L2HGDH: variants seen among roughly 807,000 people sequenced by gnomAD.
L2HGDH encodes L-2-hydroxyglutarate dehydrogenase, mitochondrial.
In L2HGDH, 34 loss-of-function variants were observed where a neutral mutation model predicts 51.5. That is an observed-to-expected ratio of 0.66 (90% confidence interval 0.50 to 0.88). The LOEUF (loss-of-function observed/expected upper bound fraction) is 0.88. Among genes scored for constraint, L2HGDH ranks in the 40% least tolerant of loss-of-function variants. The pLI, the probability that L2HGDH is intolerant of heterozygous loss-of-function variation, is 0.00. For synonymous variants in L2HGDH, 198 were observed against 197.9 expected, an observed-to-expected ratio of 1.00 and a Z score of -0.01; for missense variants, 558 against 571.9, an observed-to-expected ratio of 0.98 and a Z score of 0.25.
chr14:50,288,370 C>T (rs78712705), intron 4 of L2HGDH, among the ~76,000 whole-genome samples: 1,802 of 152,250 alleles, frequency 0.012, 34 homozygotes, highest in African/African-American at 0.04. Flanking sequence ...AGATGGAAAC[C>T]AAATTGTTTA....
At chr14:50,256,996 T>C (rs2139946702) in intron 9 of L2HGDH, among the ~76,000 whole-genome samples, 1 of 152,232 alleles carries the variant, frequency 6.6e-6, no homozygotes, top group South Asian at 2.1e-4. Flanking sequence ...GGTACAATGG[T>C]GTCATCTCAG....
chr14:50,295,343 C>G (rs1201958492), intron 3 of L2HGDH, among the ~76,000 whole-genome samples: 1 of 151,992 alleles, frequency 6.6e-6, no homozygotes, highest in Non-Finnish European at 1.5e-5. Flanking sequence ...CCACTGCACT[C>G]CAGCCTAGGC....
chr14:50,270,492 T>TTTGTTGTTG (rs145385696), intron 6 of L2HGDH, among the ~76,000 whole-genome samples: 24 of 150,744 alleles, frequency 1.6e-4, no homozygotes, highest in Middle Eastern at 3.4e-3. Flanking sequence ...GCCTTACTGT[T>TTTGTTGTTG]TTGTTGTTGT....
At chr14:50,290,651 A>G (rs1407310682) in intron 4 of L2HGDH, among the ~76,000 whole-genome samples, 1 of 152,058 alleles carries the variant, frequency 6.6e-6, no homozygotes, top group East Asian at 1.9e-4. Context: ...CTTTACGGAC[A>G]CTGAAATTTG....
intron 5 of L2HGDH, among the ~76,000 whole-genome samples, chr14:50,280,122 G>A (rs907516246): frequency 1.5e-4 from 23 of 149,354 alleles, no homozygotes; most frequent in African/African-American, 4.9e-4. Context: ...TTACTCCTTC[G>A]TGACCCTGAC....
At chr14:50,281,907 C>T (rs1027805941) in intron 5 of L2HGDH, among the ~76,000 whole-genome samples, 3 of 152,132 alleles carry the variant, frequency 2.0e-5, no homozygotes, top group Non-Finnish European at 4.4e-5. Flanking sequence ...GTGGCATGAT[C>T]TCAGCTCACC....
At chr14:50,279,015 T>C (rs1890117235) in intron 5 of L2HGDH, among the ~76,000 whole-genome samples, 1 of 152,218 alleles carries the variant, frequency 6.6e-6, no homozygotes, top group Admixed American at 6.5e-5. Flanking sequence ...TAATAAAAAA[T>C]TGACCATTTT....
chr14:50,275,825 T>C (rs1016670903), intron 6 of L2HGDH, among the ~76,000 whole-genome samples: 1 of 152,210 alleles, frequency 6.6e-6, no homozygotes, highest in African/African-American at 2.4e-5. Context: ...TCCTTACTAT[T>C]ACCTCAATCA....
Position 50,312,073 on chromosome 14 carries a change from C to G in L2HGDH, c.78G>C (p.Ala26=). Residue 26 remains alanine, a synonymous_variant, in exon 1 of 10, where the codon GCG becomes GCC. Coordinates refer to ENST00000267436, the MANE Select transcript of L2HGDH (RefSeq NM_024884.3). ...TTGGCCTCCCAGACGCGAACCCGCACGCCCCAGGGGAGCCACCGGCGAAAA... is the reference window on the plus strand; with the variant it reads ...TTGGCCTCCCAGACGCGAACCCGCAGGCCCCAGGGGAGCCACCGGCGAAAA... ...RGLFAGGSPG[A]CGFASGRPRP... is the part of the protein sequence containing the mutation. The G allele has an allele frequency of 6.2e-7, 1 of 1,601,668 alleles. No homozygotes were observed. Among genetic ancestry groups the G allele is most frequent in the Non-Finnish European group, 8.5e-7 (1 of 1,175,464 alleles).
At chr14:50,266,041 G>A (rs1889312465) in intron 8 of L2HGDH, among the ~76,000 whole-genome samples, 1 of 151,966 alleles carries the variant, frequency 6.6e-6, no homozygotes, top group East Asian at 1.9e-4. Flanking sequence ...AGCTACTAGG[G>A]AGGCTGAAGT....
At position 50,294,169 on chromosome 14, in the gene L2HGDH, C is replaced by A; in HGVS notation, c.486G>T (p.Pro162=). ...LYEKGLQNGV[P]GLRLIQQEDI... is the part of the protein sequence containing the mutation. ...CCTCCTGCTGGATCAGCCTCAGGCC[C>A]GGGACACCATTCTGGAGGCCTTTCT... is the stretch of plus-strand genomic sequence containing the variant. Residue 162 remains proline, a synonymous_variant, in exon 4 of 10, where the codon CCG becomes CCT. Coordinates refer to ENST00000267436, the MANE Select transcript of L2HGDH (RefSeq NM_024884.3). The A allele has an allele frequency of 1.2e-6, 2 of 1,613,746 alleles. No homozygotes were observed. The highest frequency in any genetic ancestry group is 1.6e-4 in the Middle Eastern group (1 of 6,062).
intron 4 of L2HGDH, among the ~76,000 whole-genome samples, chr14:50,289,249 T>C (rs1452361458): frequency 6.6e-6 from 1 of 152,158 alleles, no homozygotes; most frequent in Non-Finnish European, 1.5e-5. Context: ...TGTTTTAAAA[T>C]AGGCTATCTC....
In L2HGDH at chr14:50,258,073, TAAA is replaced by T. The variant is rs3072729; in HGVS notation, c.1196+7282_1196+7284del. Among the ~76,000 whole-genome samples the T allele has an allele frequency of 5.9e-3, 842 of 141,630 alleles. 13 individuals carry two copies. The highest frequency in any genetic ancestry group is 0.016 in the African/African-American group (610 of 38,478). 92.9% of individuals were successfully genotyped at this position (141,630 alleles called of 152,430 possible). ...GAAAATTTTAAACACGTCAAAAAGT[TAAA>T]AAAAAAAAAAAAAGAAAAAGAAAGA... On this transcript the variant is annotated intron_variant, in intron 9 of 9. Coordinates refer to ENST00000267436, the MANE Select transcript of L2HGDH (RefSeq NM_024884.3).
intron 8 of L2HGDH, 111 bp downstream of exon 8, chr14:50,267,642 C>T: frequency 1.2e-6 from 1 of 811,930 alleles, no homozygotes; most frequent in South Asian, 1.6e-5. Flanking sequence ...ATTCAATATA[C>T]CAATCACAAA....
chr14:50,271,502 A>T (rs1451328992), intron 6 of L2HGDH, among the ~76,000 whole-genome samples: 2 of 152,238 alleles, frequency 1.3e-5, no homozygotes, highest in Non-Finnish European at 2.9e-5. Context: ...TTTTACCTCC[A>T]AATTAAAATT....
intron 1 of L2HGDH, among the ~76,000 whole-genome samples, chr14:50,310,962 G>C (rs1366239571): frequency 9.5e-6 from 1 of 105,124 alleles, no homozygotes; most frequent in African/African-American, 3.8e-5. Context: ...TTTTTTTTGC[G>C]AGACAGAGTC....
At chr14:50,308,383 T>C (rs1217077938) in intron 1 of L2HGDH, among the ~76,000 whole-genome samples, 1 of 83,412 alleles carries the variant, frequency 1.2e-5, no homozygotes, top group Non-Finnish European at 2.3e-5. Context: ...CGAAACTCCA[T>C]CTCAGAAAAA....
intron 5 of L2HGDH, among the ~76,000 whole-genome samples, chr14:50,280,871 G>A (rs1343783060): frequency 1.3e-5 from 2 of 152,206 alleles, no homozygotes; most frequent in East Asian, 3.9e-4. Context: ...CTGCAGTGCA[G>A]TGATGCAATT....
chr14:50,259,706 T>G (rs1888900131), intron 9 of L2HGDH, among the ~76,000 whole-genome samples: 1 of 151,608 alleles, frequency 6.6e-6, no homozygotes, highest in African/African-American at 2.4e-5. Context: ...TGGTGGCACA[T>G]GCCTGTAATC....
Sources: allele counts gnomAD v4.1 joint callset (sites outside exome capture counted in the v4.1 genomes callset), GRCh38; gene constraint gnomAD v4.1.1; transcripts MANE v1.5; gene names NCBI Gene and HGNC (gene_info 2026-07-23, HGNC 2026-07-21).